The following CAST variants were observed in gnomAD, a reference collection of about 807,000 sequenced individuals.
CAST encodes calpastatin.
Under a neutral mutation model 119.6 loss-of-function variants are expected in CAST, and 76 were observed. The observed-to-expected ratio is 0.64, with a 90% CI of 0.53 to 0.77. CAST has a LOEUF of 0.77. CAST is among the 30% of genes least tolerant of loss of function. The pLI, the probability that CAST is intolerant of heterozygous loss-of-function variation, is 0.00. For synonymous variants in CAST, 319 were observed against 331.6 expected (o/e 0.96, Z 0.41); for missense variants, 953 against 946.5 (o/e 1.01, Z -0.09).
chr5:96,404,845 A>G, the CAST span, among the ~76,000 whole-genome samples: 1 of 152,184 alleles, frequency 6.6e-6, no homozygotes, highest in African/African-American at 2.4e-5. Flanking sequence ...TTTCTATGTC[A>G]TAAGAATGTT....
At chr5:96,719,503 G>A (rs1460503109) in intron 3 of CAST, among the ~76,000 whole-genome samples, 1 of 152,186 alleles carries the variant, frequency 6.6e-6, no homozygotes, top group African/African-American at 2.4e-5. Flanking sequence ...AGGCGGGTGA[G>A]TGGAGAGTAA....
At chr5:96,654,872 C>A (rs1748138052) in intron 1 of CAST, among the ~76,000 whole-genome samples, 1 of 152,090 alleles carries the variant, frequency 6.6e-6, no homozygotes, top group Non-Finnish European at 1.5e-5. Context: ...TTAAGACTTT[C>A]CTTTTATTAT....
At chr5:96,533,532 G>A (rs180920992) in intron 1 of CAST, among the ~76,000 whole-genome samples, 18 of 152,080 alleles carry the variant, frequency 1.2e-4, no homozygotes, top group Non-Finnish European at 2.2e-4. Flanking sequence ...TTCGAGATTC[G>A]CACTGATGGA....
At chr5:96,537,269 C>A (rs1335915396) in intron 1 of CAST, among the ~76,000 whole-genome samples, 1 of 152,230 alleles carries the variant, frequency 6.6e-6, no homozygotes, top group African/African-American at 2.4e-5. Context: ...TCTATTTGAA[C>A]TGGATTCTTT....
chr5:96,670,688 G>A (rs1487576291), intron 1 of CAST, among the ~76,000 whole-genome samples: 2 of 152,180 alleles, frequency 1.3e-5, no homozygotes, highest in African/African-American at 2.4e-5. Flanking sequence ...AGTAGAGACA[G>A]GGTTTTACCA....
the CAST span, among the ~76,000 whole-genome samples, chr5:96,497,939 G>A: frequency 6.6e-6 from 1 of 152,202 alleles, no homozygotes; most frequent in African/African-American, 2.4e-5. Context: ...CCTTGCCCAT[G>A]CATATGTCCT....
At chr5:95,964,433 A>G in the CAST span, among the ~76,000 whole-genome samples, 1 of 152,238 alleles carries the variant, frequency 6.6e-6, no homozygotes, top group African/African-American at 2.4e-5. Flanking sequence ...AAGTCTCTAG[A>G]GGAATTTTCT....
At chr5:96,170,835 G>C in the CAST span, among the ~76,000 whole-genome samples, 1 of 152,204 alleles carries the variant, frequency 6.6e-6, no homozygotes, top group South Asian at 2.1e-4. Flanking sequence ...TGGGCAGGTG[G>C]GAGAGGGCTA....
chr5:96,290,798 G>A, the CAST span, among the ~76,000 whole-genome samples: 1 of 152,172 alleles, frequency 6.6e-6, no homozygotes, highest in Non-Finnish European at 1.5e-5. Context: ...AGCAAGCTGT[G>A]GTAGCCAGCC....
chr5:96,247,251 G>T, the CAST span, among the ~76,000 whole-genome samples: 1 of 152,202 alleles, frequency 6.6e-6, no homozygotes, highest in Non-Finnish European at 1.5e-5. Flanking sequence ...CATAGAATGA[G>T]GTCTTAATTG....
At chr5:96,150,761 C>T in the CAST span, among the ~76,000 whole-genome samples, 1 of 152,110 alleles carries the variant, frequency 6.6e-6, no homozygotes, top group Admixed American at 6.6e-5. Flanking sequence ...GGGGAAGATT[C>T]TTAAGGGACC....
At chr5:96,403,682 T>C in the CAST span, among the ~76,000 whole-genome samples, 1 of 152,220 alleles carries the variant, frequency 6.6e-6, no homozygotes, top group Non-Finnish European at 1.5e-5. Context: ...AGAAGAGATG[T>C]AGGTAATGTA....
At chr5:96,499,486 A>G in the CAST span, among the ~76,000 whole-genome samples, 71 of 152,348 alleles carry the variant, frequency 4.7e-4, no homozygotes, top group African/African-American at 1.7e-3. Flanking sequence ...GCCTTCTGTG[A>G]GTTGTAATCT....
At chr5:96,513,292 AAC>A in the CAST span, among the ~76,000 whole-genome samples, 9 of 152,360 alleles carry the variant, frequency 5.9e-5, no homozygotes, top group East Asian at 1.7e-3. Context: ...GAACAGAACA[AAC>A]ACATATCTGT....
the CAST span, among the ~76,000 whole-genome samples, chr5:96,171,023 C>T: frequency 5.8e-3 from 878 of 151,974 alleles, 10 homozygotes; most frequent in African/African-American, 0.019. Flanking sequence ...TTGGAGACTC[C>T]GCGACGCTTG....
chr5:96,216,914 C>T, the CAST span, among the ~76,000 whole-genome samples: 1 of 152,154 alleles, frequency 6.6e-6, no homozygotes, highest in Admixed American at 6.5e-5. Flanking sequence ...ACTGATTCTC[C>T]TCATGAGCTC....
At chr5:96,069,345 G>A in the CAST span, among the ~76,000 whole-genome samples, 2 of 136,810 alleles carry the variant, frequency 1.5e-5, no homozygotes, top group African/African-American at 2.8e-5. Context: ...TGGAAAGCAT[G>A]TGTGTATGTA....
At chr5:96,462,094 G>A in the CAST span, among the ~76,000 whole-genome samples, 1 of 152,072 alleles carries the variant, frequency 6.6e-6, no homozygotes, top group South Asian at 2.1e-4. Flanking sequence ...ACCCATCCCT[G>A]TTCCCCAGCA....
At chr5:96,109,490 T>A in the CAST span, among the ~76,000 whole-genome samples, 1 of 152,220 alleles carries the variant, frequency 6.6e-6, no homozygotes, top group African/African-American at 2.4e-5. Flanking sequence ...CGAAGATAAA[T>A]TGTTTGTTGT....
Sources: gnomAD v4.1 joint callset for allele counts (sites outside exome capture counted in the v4.1 genomes callset) on GRCh38, gnomAD v4.1.1 for gene constraint, MANE v1.5 for transcripts, NCBI Gene and HGNC (gene_info 2026-07-23, HGNC 2026-07-21) for gene names.